The following PLD5 variants were observed in gnomAD, a reference collection of about 807,000 sequenced individuals.
PLD5 encodes phospholipase D family member 5.
Under a neutral mutation model 61.1 loss-of-function variants are expected in PLD5, and 36 were observed. That is an observed-to-expected ratio of 0.59 (90% CI 0.45 to 0.78). The LOEUF (loss-of-function observed/expected upper bound fraction) is 0.78, where lower values mean the gene tolerates loss of function less well. PLD5 is among the 30% of genes least tolerant of loss of function. The probability of loss-of-function intolerance (pLI) is 0.00; values close to 1 mark genes in which losing one functional copy is unlikely to be tolerated. For synonymous variants in PLD5, 243 were observed against 242.8 expected (o/e 1.00, Z -0.01); for missense variants, 515 against 644.4 (o/e 0.80, Z 2.17).
chr1:242,248,572 G>A (rs2149077642), intron 4 of PLD5, among the ~76,000 whole-genome samples: 1 of 151,870 alleles, frequency 6.6e-6, no homozygotes, highest in East Asian at 1.9e-4. Context: ...AGCCTAGTCT[G>A]TCACCCTTTT....
intron 1 of PLD5, among the ~76,000 whole-genome samples, chr1:242,490,669 G>A (rs1327192837): frequency 1.3e-5 from 2 of 152,140 alleles, no homozygotes; most frequent in Non-Finnish European, 1.5e-5. Context: ...CAACCTTTGT[G>A]TAGAACCCAC....
Position 242,459,691 on chromosome 1 carries a change from G to A in PLD5, c.189+64397C>T, listed in dbSNP as rs1056355764. ...CAATTCCAGGTTGGACTGCCAGAAC[G>A]AGCCAACAGCGCGTGATGTGCTTCC... On this transcript the variant is annotated intron_variant, in intron 1 of 9. Transcript: ENST00000536534. Among the ~76,000 whole-genome samples, 17 of 152,156 alleles carry A rather than the reference G, an allele frequency of 1.1e-4. No homozygotes were observed. The East Asian group carries it at 1.2e-3, about 10-fold the overall frequency.
At chr1:242,310,467 C>A (rs1676637029) in intron 2 of PLD5, among the ~76,000 whole-genome samples, 1 of 152,168 alleles carries the variant, frequency 6.6e-6, no homozygotes, top group African/African-American at 2.4e-5. Flanking sequence ...TCCCCTATAA[C>A]ACAAATAATC....
rs753287168 is a variant in PLD5 at position 242,083,095 on chromosome 1, C to T, written c.*6759G>A. ...CATTGTTCAGGAGTCAAGTATTTCT[C>T]CAGTAAGCTAAGAGCAGAATGGTGA... On this transcript the variant is annotated 3_prime_UTR_variant, in exon 10 of 10. Coordinates refer to ENST00000536534, the MANE Select transcript of PLD5 (RefSeq NM_001372062.1). 12 of 152,008 alleles carry T rather than the reference C, an allele frequency of 7.9e-5. No individual in the cohort carries two copies. The highest frequency in any genetic ancestry group is 7.2e-4 in the Admixed American group (11 of 15,276). 9.4% of individuals were successfully genotyped at this position (152,008 alleles called of 1,614,324 possible). A position where few individuals can be genotyped will look rare whatever the true frequency, so the allele number is the denominator to read the frequency against.
chr1:242,098,982 T>G (rs987298179), intron 9 of PLD5, among the ~76,000 whole-genome samples: 3 of 152,134 alleles, frequency 2.0e-5, no homozygotes, highest in Admixed American at 6.5e-5. Flanking sequence ...GGGGGGTGCC[T>G]CCCAGTTAGG....
At chr1:242,203,587 G>C (rs1669129672) in intron 5 of PLD5, 1 of 152,296 alleles carries the variant, frequency 6.6e-6, no homozygotes, top group African/African-American at 2.4e-5. Flanking sequence ...TGCGAGATCT[G>C]ATTGTTTAAA....
intron 1 of PLD5, among the ~76,000 whole-genome samples, chr1:242,458,794 A>T (rs1275289090): frequency 6.6e-6 from 1 of 152,240 alleles, no homozygotes; most frequent in Non-Finnish European, 1.5e-5. Flanking sequence ...GTATTTTAAT[A>T]GTCAGAGCCA....
chr1:242,400,167 ACTCT>A (rs1240895436), intron 1 of PLD5, among the ~76,000 whole-genome samples: 3 of 147,732 alleles, frequency 2.0e-5, no homozygotes, highest in South Asian at 2.2e-4. Flanking sequence ...CAAGAGTGAA[ACTCT>A]CTCTCTCAAA....
At chr1:242,172,615 A>G (rs1035575051) in intron 5 of PLD5, among the ~76,000 whole-genome samples, 3 of 152,188 alleles carry the variant, frequency 2.0e-5, no homozygotes, top group African/African-American at 7.2e-5. Flanking sequence ...AGATCAACAA[A>G]ATAGATAGAC....
At chr1:242,167,161 G>A (rs2636246) in intron 5 of PLD5, among the ~76,000 whole-genome samples, 126,771 of 150,848 alleles carry the variant, frequency 0.84, 53,764 homozygotes, top group African/African-American at 0.95. Context: ...GGTCCTGGAT[G>A]GACACAGTGA....
At chr1:242,174,418 T>C (rs1217224476) in intron 5 of PLD5, among the ~76,000 whole-genome samples, 2 of 152,066 alleles carry the variant, frequency 1.3e-5, no homozygotes, top group Non-Finnish European at 2.9e-5. Flanking sequence ...GGAGAGGATG[T>C]GGAGAAATAG....
At chr1:242,246,236 T>A (rs1253666091) in intron 4 of PLD5, among the ~76,000 whole-genome samples, 1 of 152,004 alleles carries the variant, frequency 6.6e-6, no homozygotes, top group Non-Finnish European at 1.5e-5. Flanking sequence ...CATGATGGCA[T>A]GTGCCTGCAG....
At chr1:242,132,317 C>T (rs1451928010) in intron 5 of PLD5, among the ~76,000 whole-genome samples, 1 of 148,216 alleles carries the variant, frequency 6.7e-6, no homozygotes, top group Non-Finnish European at 1.5e-5. Flanking sequence ...ATGCTGTTGT[C>T]ATCAGAATGG....
intron 1 of PLD5, among the ~76,000 whole-genome samples, chr1:242,435,720 G>C (rs1222821283): frequency 6.6e-6 from 1 of 152,228 alleles, no homozygotes; most frequent in African/African-American, 2.4e-5. Context: ...AGAGCAATGG[G>C]TGAGCATCCA....
chr1:242,212,045 T>A (rs189619164), intron 5 of PLD5, among the ~76,000 whole-genome samples: 1 of 152,250 alleles, frequency 6.6e-6, no homozygotes, highest in Admixed American at 6.5e-5. Flanking sequence ...CCCAGTATCA[T>A]CTTTAATGCT....
chr1:242,286,539 C>A (rs116073958), intron 3 of PLD5, among the ~76,000 whole-genome samples: 6,051 of 151,900 alleles, frequency 0.04, 243 homozygotes, highest in African/African-American at 0.1. Flanking sequence ...TGAAGTGATC[C>A]TATCTCCCAC....
At chr1:242,424,174 G>T (rs2796072) in intron 1 of PLD5, among the ~76,000 whole-genome samples, 102,629 of 151,892 alleles carry the variant, frequency 0.68, 35,408 homozygotes, top group African/African-American at 0.81. Flanking sequence ...CCCTCTTATT[G>T]TCCATTTATT....
chr1:242,091,885 T>C (rs1270041520), intron 9 of PLD5, among the ~76,000 whole-genome samples: 1 of 149,718 alleles, frequency 6.7e-6, no homozygotes, highest in Non-Finnish European at 1.5e-5. Context: ...TGGAATGCGG[T>C]GGTACAATCT....
chr1:242,151,716 A>G (rs921515299), intron 5 of PLD5, among the ~76,000 whole-genome samples: 3 of 152,026 alleles, frequency 2.0e-5, no homozygotes, highest in African/African-American at 4.8e-5. Flanking sequence ...AATTTTTGGA[A>G]CATTCTAGGC....
Sources: gnomAD v4.1 joint callset for allele counts (sites outside exome capture counted in the v4.1 genomes callset) on GRCh38, gnomAD v4.1.1 for gene constraint, MANE v1.5 for transcripts, NCBI Gene and HGNC (gene_info 2026-07-23, HGNC 2026-07-21) for gene names.